Variants in ACTR3C observed in about 807,000 individuals in gnomAD.
The protein encoded by ACTR3C is actin-related protein 3C.
A neutral mutation model predicts 26.3 loss-of-function variants in ACTR3C; 18 were observed. The observed-to-expected ratio is 0.68, with a 90% CI of 0.47 to 1.01. The LOEUF (loss-of-function observed/expected upper bound fraction) is 1.01, where lower values mean the gene tolerates loss of function less well. Ranked by LOEUF, ACTR3C falls within the 50% of genes least tolerant of loss-of-function variation. The pLI, the probability that ACTR3C is intolerant of heterozygous loss-of-function variation, is 0.00. For synonymous variants in ACTR3C, 55 were observed against 94.5 expected, an observed-to-expected ratio of 0.58 and a Z score of 2.42; for missense variants, 184 against 250.7, an observed-to-expected ratio of 0.73 and a Z score of 1.80.
At chr7:150,277,277 C>T (rs1185490746) in intron 6 of ACTR3C, among the ~76,000 whole-genome samples, 2 of 152,036 alleles carry the variant, frequency 1.3e-5, no homozygotes, top group East Asian at 1.9e-4. Flanking sequence ...AGTTCGAGAC[C>T]AGCTTGGTCA....
chr7:150,010,022 T>C, the ACTR3C span, among the ~76,000 whole-genome samples: 2 of 152,376 alleles, frequency 1.3e-5, no homozygotes, highest in East Asian at 3.9e-4. Flanking sequence ...AGCTAAAATC[T>C]GTGCCATACT....
At chr7:149,992,384 G>T in the ACTR3C span, among the ~76,000 whole-genome samples, 4 of 152,220 alleles carry the variant, frequency 2.6e-5, no homozygotes, top group Admixed American at 6.5e-5. Context: ...CTTTGACAGA[G>T]TGTTGAAGGA....
chr7:150,083,195 C>G, the ACTR3C span, among the ~76,000 whole-genome samples: 25,029 of 151,008 alleles, frequency 0.17, 2,156 homozygotes, highest in South Asian at 0.26. Context: ...TCAAACAATC[C>G]TCAGCCTCCC....
chr7:150,258,539 G>T (rs1352513398), intron 6 of ACTR3C, among the ~76,000 whole-genome samples: 1 of 152,120 alleles, frequency 6.6e-6, no homozygotes, highest in African/African-American at 2.4e-5. Flanking sequence ...CTACTCAAAG[G>T]TCATTTCTAC....
At chr7:149,989,452 C>A in the ACTR3C span, among the ~76,000 whole-genome samples, 1 of 152,076 alleles carries the variant, frequency 6.6e-6, no homozygotes, top group African/African-American at 2.4e-5. Context: ...CCCCAACCCA[C>A]CCCCAACCAT....
At chr7:150,292,122 A>G (rs1310722418) in intron 3 of ACTR3C, among the ~76,000 whole-genome samples, 1 of 150,482 alleles carries the variant, frequency 6.6e-6, no homozygotes, top group African/African-American at 2.5e-5. Flanking sequence ...ATGATTTTTG[A>G]AAATCCTAAT....
intron 6 of ACTR3C, among the ~76,000 whole-genome samples, chr7:150,252,156 G>T (rs1290022721): frequency 1.3e-5 from 2 of 152,056 alleles, no homozygotes; most frequent in African/African-American, 4.8e-5. Flanking sequence ...GCATGTGTGT[G>T]TGTGTGTGTG....
At position 150,291,739 on chromosome 7, in the gene ACTR3C, G is replaced by T. The variant is rs192317418; in HGVS notation, c.153+1573C>A. ...AGGGGCCTACGGGGGCCTCATCTTG[G>T]ATCTCAGCAGCGCAGTTCTCTGAGG... On this transcript the variant is annotated intron_variant, in intron 3 of 7. Transcript: ENST00000683684. 2.6e-5 allele frequency among the ~76,000 whole-genome samples: 4 copies of T among 151,984 alleles called. No individual in the cohort carries two copies. The East Asian group carries it at 7.8e-4, about 29-fold the overall frequency.
At chr7:150,076,795 A>G in the ACTR3C span, 3 of 152,304 alleles carry the variant, frequency 2.0e-5, no homozygotes, top group Non-Finnish European at 2.9e-5. Context: ...TATTTTCTCA[A>G]TTTTTGCATA....
chr7:150,018,105 C>T, the ACTR3C span, among the ~76,000 whole-genome samples: 8 of 150,432 alleles, frequency 5.3e-5, no homozygotes, highest in Non-Finnish European at 8.8e-5. Flanking sequence ...TGTGGAAAGA[C>T]GACCAGGCAC....
chr7:149,897,263 T>C, the ACTR3C span, among the ~76,000 whole-genome samples: 1 of 152,096 alleles, frequency 6.6e-6, no homozygotes, highest in African/African-American at 2.4e-5. Flanking sequence ...GGTATATTGG[T>C]TTTTCAGCTA....
the ACTR3C span, among the ~76,000 whole-genome samples, chr7:149,917,635 CT>C: frequency 3.4e-4 from 32 of 93,634 alleles, no homozygotes; most frequent in African/African-American, 1.2e-3. Flanking sequence ...TGTTTTACAT[CT>C]TTTTTTTTTT....
At chr7:150,170,044 T>C in the ACTR3C span, among the ~76,000 whole-genome samples, 1 of 149,336 alleles carries the variant, frequency 6.7e-6, no homozygotes, top group Non-Finnish European at 1.5e-5. Context: ...GGTTTAGTTT[T>C]ATCCTGTGGC....
the ACTR3C span, among the ~76,000 whole-genome samples, chr7:149,919,574 T>A: frequency 6.6e-6 from 1 of 152,058 alleles, no homozygotes; most frequent in Non-Finnish European, 1.5e-5. Context: ...TTTTCCAACC[T>A]TTTACTTTCT....
chr7:150,042,482 G>A, the ACTR3C span, among the ~76,000 whole-genome samples: 31 of 122,010 alleles, frequency 2.5e-4, 1 homozygote, highest in South Asian at 3.0e-3. Flanking sequence ...GGGGAGGTTC[G>A]CAGTCCCCGC....
the ACTR3C span, among the ~76,000 whole-genome samples, chr7:149,920,136 C>T: frequency 6.6e-6 from 1 of 152,342 alleles, no homozygotes; most frequent in African/African-American, 2.4e-5. Context: ...GGAGCCCTCA[C>T]TGATTCATCT....
At chr7:150,215,760 G>A in the ACTR3C span, among the ~76,000 whole-genome samples, 1 of 151,252 alleles carries the variant, frequency 6.6e-6, no homozygotes, top group African/African-American at 2.4e-5. Context: ...GGACCTGGTG[G>A]AGCTAGATTC....
At chr7:149,911,679 A>AC in the ACTR3C span, among the ~76,000 whole-genome samples, 2 of 151,954 alleles carry the variant, frequency 1.3e-5, no homozygotes, top group South Asian at 2.1e-4. Flanking sequence ...GAAAAAAAAA[A>AC]AACACTGAAA....
At chr7:150,094,073 C>T in the ACTR3C span, among the ~76,000 whole-genome samples, 814 of 150,600 alleles carry the variant, frequency 5.4e-3, 11 homozygotes, top group Non-Finnish European at 7.5e-3. Flanking sequence ...CCGTGCAGAG[C>T]TCAGCTTTCA....
Sources: gnomAD v4.1 joint callset for allele counts (sites outside exome capture counted in the v4.1 genomes callset) on GRCh38, gnomAD v4.1.1 for gene constraint, MANE v1.5 for transcripts, NCBI Gene and HGNC (gene_info 2026-07-23, HGNC 2026-07-21) for gene names.